Variants in ERN1 observed in about 807,000 individuals in gnomAD.
ERN1 encodes the protein endoplasmic reticulum to nucleus signaling 1.
ERN1 carries 39 observed loss-of-function variants against 113.1 expected under a neutral mutation model. The ratio of observed to expected loss-of-function variants is 0.34; its 90% CI spans 0.27 to 0.45. The LOEUF (loss-of-function observed/expected upper bound fraction) is 0.45. ERN1 is among the 20% of genes least tolerant of loss of function. The pLI, the probability that ERN1 is intolerant of heterozygous loss-of-function variation, is 1.00. For missense variants in ERN1, 976 were observed against 1,274.8 expected (o/e 0.77, Z 3.57); for synonymous variants, 507 against 515.9 (o/e 0.98, Z 0.23).
At chr17:64,080,688 T>A (rs1913739473) in intron 3 of ERN1, 87 bp downstream of exon 3, 3 of 1,207,976 alleles carry the variant, frequency 2.5e-6, no homozygotes, top group Non-Finnish European at 3.6e-6. Flanking sequence ...TACACATATA[T>A]GCACTCCCAG....
At position 64,043,728 on chromosome 17, in the gene ERN1, C is replaced by T. The variant is rs771343364; in HGVS notation, c.*260G>A. 5 of 381,952 alleles carry T rather than the reference C, an allele frequency of 1.3e-5. No individual in the cohort carries two copies. Among genetic ancestry groups the T allele is most frequent in the Admixed American group, 4.5e-5 (1 of 22,316 alleles). 23.7% of individuals were successfully genotyped at this position (381,952 alleles called of 1,614,324 possible). On this transcript the variant is annotated 3_prime_UTR_variant, in exon 22 of 22. Coordinates refer to ENST00000433197, the MANE Select transcript of ERN1 (RefSeq NM_001433.5). ...GCTGGGGGTGCTACTCGCGCTGTCT[C>T]TGAGGCCCTCCTTTGCAGACATCAT... is the stretch of plus-strand genomic sequence containing the variant.
Position 64,047,892 on chromosome 17 carries a change from A to G in ERN1, c.2495T>C (p.Phe832Ser). The change falls in exon 19 of 22, where the codon TTC becomes TCC. Residue 832 changes from phenylalanine (F) to serine (S), a missense_variant. This residue lies in a region of ERN1 where 297 missense variants were observed against 457.8 expected (regional missense o/e 0.65). Coordinates refer to ENST00000433197, the MANE Select transcript of ERN1 (RefSeq NM_001433.5). ...SAKHVLKHPF[F>S]WSLEKQLQFF... ...CTGGAGCTGCTTCTCTAGGCTCCAG[A>G]AGAACGGGTGTTTGAGCACATGCTT... 1 of 1,613,308 alleles carries G rather than the reference A, an allele frequency of 6.2e-7. No individual in the cohort carries two copies. Among genetic ancestry groups the G allele is most frequent in the South Asian group, 1.1e-5 (1 of 91,010 alleles).
At chr17:64,061,629 A>G (rs987928257) in intron 10 of ERN1, among the ~76,000 whole-genome samples, 2 of 152,188 alleles carry the variant, frequency 1.3e-5, no homozygotes, top group Non-Finnish European at 1.5e-5. Flanking sequence ...AGCCACCACT[A>G]GTTTCTCTTG....
At chr17:64,084,824 C>G (rs1472031269) in intron 2 of ERN1, among the ~76,000 whole-genome samples, 1 of 152,204 alleles carries the variant, frequency 6.6e-6, no homozygotes, top group Non-Finnish European at 1.5e-5. Flanking sequence ...TGCCGGCCTC[C>G]AAGTATTCAA....
chr17:64,085,956 G>C (rs1913911254), intron 2 of ERN1, among the ~76,000 whole-genome samples: 1 of 152,178 alleles, frequency 6.6e-6, no homozygotes, highest in Non-Finnish European at 1.5e-5. Context: ...TGAGCTTGCT[G>C]AAACTTCCTA....
At chr17:64,119,425 G>A (rs1308389700) in intron 1 of ERN1, among the ~76,000 whole-genome samples, 1 of 57,790 alleles carries the variant, frequency 1.7e-5, no homozygotes, top group Non-Finnish European at 3.2e-5. Flanking sequence ...TTTCACTCTT[G>A]TTCCCCAGGC....
rs562871017 is a variant in ERN1, at chr17:64,040,293, G to A, written c.*3695C>T. 6.6e-6 allele frequency: 1 copy of A among 152,348 alleles called. No individual in the cohort carries two copies. Among genetic ancestry groups the A allele is most frequent in the South Asian group, 2.1e-4 (1 of 4,820 alleles). 9.4% of individuals were successfully genotyped at this position (152,348 alleles called of 1,614,324 possible). A position where few individuals can be genotyped will look rare whatever the true frequency, so the allele number is the denominator to read the frequency against. ...GCTGCAAAAGTGGAACTGGCCCCCA[G>A]TTCCCAGAGGATCACAAGGCCAAGG... On this transcript the variant is annotated 3_prime_UTR_variant, in exon 22 of 22. Transcript: ENST00000433197.
chr17:64,098,257 G>A lies in ERN1; in HGVS notation c.55-16C>T, dbSNP rs778673884. On this transcript the variant is annotated splice_polypyrimidine_tract_variant and intron_variant, in intron 1 of 21. Transcript: ENST00000433197. ...TTCCAAAAATCTGCAACGAGATGTA[G>A]AAGACTCTTAATGTTGATATGATTC... 1 of 1,613,822 alleles carries A rather than the reference G, an allele frequency of 6.2e-7. No homozygotes were observed. Among genetic ancestry groups the A allele is most frequent in the Non-Finnish European group, 8.5e-7 (1 of 1,179,782 alleles).
Position 64,130,053 on chromosome 17 carries a change from GGGGGCGGTACGGACAGAGGAC to G in ERN1, c.-45_-25del, listed in dbSNP as rs1234678140. ...ATGGCGAGGACTCGGCCCTGGCTCCGGGGGCGGTACGGACAGAGGACGGGGCGGGGGCGCCGCGACGACAGC... is the reference window on the plus strand; with the variant it reads ...ATGGCGAGGACTCGGCCCTGGCTCCGGGGGCGGGGGCGCCGCGACGACAGC... On this transcript the variant is annotated 5_prime_UTR_variant, in exon 1 of 22. Coordinates refer to ENST00000433197, the MANE Select transcript of ERN1 (RefSeq NM_001433.5). The surrounding 1 kb of genome is among the most constrained non-coding windows in gnomAD (Gnocchi z 4.0). 9 of 1,389,446 alleles carry G rather than the reference GGGGGCGGTACGGACAGAGGAC, an allele frequency of 6.5e-6. No homozygotes were observed. In the Admixed American group the frequency reaches 2.8e-4, roughly 43 times the overall value. The allele number at this position is 1,389,446 out of a possible 1,614,324, so 86.1% of individuals were successfully genotyped here.
Position 64,044,246 on chromosome 17 carries a change from G to T in ERN1, c.2722-46C>A. On this transcript the variant is annotated intron_variant, in intron 21 of 21. Transcript: ENST00000433197. This position sits in a 1 kb window ranked among gnomAD's most constrained non-coding sequence, Gnocchi z 4.1. Reference sequence around the variant, plus strand: ...CGGGAGATTAGAAAGGGGTTAGAAAGCTCGGGAAATGTTGGCAAAACACCC... The same window carrying T: ...CGGGAGATTAGAAAGGGGTTAGAAATCTCGGGAAATGTTGGCAAAACACCC... 7.3e-7 allele frequency: 1 copy of T among 1,363,378 alleles called. No homozygotes were observed. Among genetic ancestry groups the T allele is most frequent in the Non-Finnish European group, 9.8e-7 (1 of 1,022,002 alleles). 84.5% of individuals were successfully genotyped at this position (1,363,378 alleles called of 1,614,324 possible).
At chr17:64,062,740 T>C (rs1478171950) in intron 10 of ERN1, among the ~76,000 whole-genome samples, 2 of 152,140 alleles carry the variant, frequency 1.3e-5, no homozygotes, top group Non-Finnish European at 2.9e-5. Context: ...CAATGACCTC[T>C]TCTCATTAGC....
chr17:64,070,039 T>G (rs1202931616), intron 6 of ERN1, among the ~76,000 whole-genome samples: 1 of 152,186 alleles, frequency 6.6e-6, no homozygotes, highest in Non-Finnish European at 1.5e-5. Context: ...TCAGCTGGCC[T>G]TGAGACTTGC....
chr17:64,109,057 G>A (rs939269325), intron 1 of ERN1, among the ~76,000 whole-genome samples: 1 of 152,082 alleles, frequency 6.6e-6, no homozygotes, highest in African/African-American at 2.4e-5. Flanking sequence ...CCAGGAGGCA[G>A]AGGTTGCAGT....
intron 4 of ERN1, among the ~76,000 whole-genome samples, chr17:64,077,872 A>G (rs1268848183): frequency 6.6e-6 from 1 of 151,958 alleles, no homozygotes; most frequent in African/African-American, 2.4e-5. Context: ...CAGCCTCCCA[A>G]GTAGCTGGGA....
chr17:64,051,872 A>C (rs539038494), intron 17 of ERN1, among the ~76,000 whole-genome samples: 1 of 152,322 alleles, frequency 6.6e-6, no homozygotes, highest in East Asian at 1.9e-4. Flanking sequence ...AACAGTATTA[A>C]CTGTTGAGGT....
In ERN1 at chr17:64,052,902, C is replaced by T. The variant is rs761547515; in HGVS notation, c.2131G>A (p.Asp711Asn). The change falls in exon 17 of 22, where the codon GAC becomes AAC. Residue 711 changes from aspartate (D) to asparagine (N), a missense_variant. Asp to Asn is a conservative substitution (Grantham distance 23, BLOSUM62 1). Coordinates refer to ENST00000433197, the MANE Select transcript of ERN1 (RefSeq NM_001433.5). ...AHGKIKAMIS[D>N]FGLCKKLAVG... is the part of the protein sequence containing the mutation. The stretch of plus-strand genomic sequence containing the variant: ...GCCAGCTTCTTGCAGAGGCCAAAGT[C>T]GGAGATCATGGCCTTGATCTTGCCG... 5 of 1,613,756 alleles carry T rather than the reference C, an allele frequency of 3.1e-6. No homozygotes were observed. Among genetic ancestry groups the T allele is most frequent in the African/African-American group, 1.3e-5 (1 of 74,898 alleles).
chr17:64,114,834 G>C (rs1188595073), intron 1 of ERN1, among the ~76,000 whole-genome samples: 1 of 152,102 alleles, frequency 6.6e-6, no homozygotes, highest in Non-Finnish European at 1.5e-5. Context: ...ATGTTGCCTA[G>C]CTGGTTTACA....
chr17:64,116,417 T>C (rs1914803638), intron 1 of ERN1, among the ~76,000 whole-genome samples: 1 of 152,100 alleles, frequency 6.6e-6, no homozygotes, highest in South Asian at 2.1e-4. Context: ...TCTCCACATA[T>C]AAAGGAAACC....
intron 7 of ERN1, 74 bp downstream of exon 7, chr17:64,068,116 T>C: frequency 1.9e-6 from 2 of 1,042,126 alleles, no homozygotes; most frequent in Non-Finnish European, 2.9e-6. Flanking sequence ...AAAATCCTAC[T>C]TTCTGGAGCC....
Sources: gnomAD v4.1 joint callset for allele counts (sites outside exome capture counted in the v4.1 genomes callset) on GRCh38, gnomAD v4.1.1 for gene constraint, gnomAD v4.1.1 regional missense constraint, Gnocchi (gnomAD v3.1) non-coding constraint, MANE v1.5 for transcripts, NCBI Gene and HGNC (gene_info 2026-07-23, HGNC 2026-07-21) for gene names.